The following SLC7A14 variants were observed in gnomAD, a reference collection of about 807,000 sequenced individuals.
SLC7A14 encodes the protein gamma-aminobutyric acid transporter SLC7A14.
Under a neutral mutation model 60.2 loss-of-function variants are expected in SLC7A14, and 37 were observed. The ratio of observed to expected loss-of-function variants is 0.61; its 90% CI spans 0.47 to 0.81. SLC7A14 has a LOEUF of 0.81. SLC7A14 is among the 30% of genes least tolerant of loss of function. The pLI, the probability that SLC7A14 is intolerant of heterozygous loss-of-function variation, is 0.00. For synonymous variants in SLC7A14, 399 were observed against 395.8 expected (o/e 1.01, Z -0.10); for missense variants, 886 against 982.7 (o/e 0.90, Z 1.32).
At chr3:170,563,688 T>A (rs1332652040) in intron 1 of SLC7A14, among the ~76,000 whole-genome samples, 1 of 152,212 alleles carries the variant, frequency 6.6e-6, no homozygotes, top group Non-Finnish European at 1.5e-5. Context: ...CCCAAACTGC[T>A]GGGATTACAG....
chr3:170,559,648 A>G (rs1035894973), intron 1 of SLC7A14, among the ~76,000 whole-genome samples: 2 of 152,228 alleles, frequency 1.3e-5, no homozygotes, highest in African/African-American at 4.8e-5. Flanking sequence ...TTTTTCTTTT[A>G]AAATTACTAA....
At chr3:170,569,106 C>T (rs1421106908) in intron 1 of SLC7A14, among the ~76,000 whole-genome samples, 8 of 152,074 alleles carry the variant, frequency 5.3e-5, no homozygotes, top group Admixed American at 1.3e-4. Context: ...AAAGGGAATG[C>T]TTCCAGTTTT....
At chr3:170,508,297 T>C (rs2108284273) in intron 2 of SLC7A14, among the ~76,000 whole-genome samples, 1 of 152,312 alleles carries the variant, frequency 6.6e-6, no homozygotes, top group South Asian at 2.1e-4. Context: ...GAGGCAGGTG[T>C]CCAAGAAAAC....
At chr3:170,495,958 A>T in intron 4 of SLC7A14, 1 of 1,340,410 alleles carries the variant, frequency 7.5e-7, no homozygotes, top group Non-Finnish European at 1.1e-6. Context: ...GAGGACTTCA[A>T]GAACAAGTAT....
rs1739609065 is a variant in SLC7A14 at position 170,461,811 on chromosome 3, G to A, written c.*5244C>T. The A allele has an allele frequency of 6.6e-6, 1 of 152,274 alleles. No homozygotes were observed. The highest frequency in any genetic ancestry group is 2.4e-5 in the African/African-American group (1 of 41,440). 9.4% of individuals were successfully genotyped at this position (152,274 alleles called of 1,614,324 possible). Reference sequence around the variant, plus strand: ...AGTTTCAGGGAGCTACACAGGTACAGGGGAAGCAGAGGCTCCATGAAGACT... The same window carrying A: ...AGTTTCAGGGAGCTACACAGGTACAAGGGAAGCAGAGGCTCCATGAAGACT... On this transcript the variant is annotated 3_prime_UTR_variant, in exon 8 of 8. Coordinates refer to ENST00000231706, the MANE Select transcript of SLC7A14 (RefSeq NM_020949.3).
At chr3:170,497,622 C>A (rs1269219602) in intron 4 of SLC7A14, among the ~76,000 whole-genome samples, 9 of 152,186 alleles carry the variant, frequency 5.9e-5, no homozygotes, top group Non-Finnish European at 1.3e-4. Flanking sequence ...GTTAAATGAA[C>A]GGATAGGACC....
chr3:170,480,310 A>G lies in SLC7A14; in HGVS notation c.1972T>C (p.Phe658Leu). ...LKLSTITWIR[F>L]AVWCFVGLLI... ...TTACCCACAAAGCACCAGACCGCAA[A>G]CCGGATCCATGTGATGGTGGAGAGC... Residue 658 changes from phenylalanine (F) to leucine (L), a missense_variant, in exon 7 of 8, where the codon TTT becomes CTT. Phe to Leu is a conservative substitution (Grantham distance 22). Transcript: ENST00000231706. 1.3e-6 allele frequency: 2 copies of G among 1,540,686 alleles called. No homozygotes were observed. Among genetic ancestry groups the G allele is most frequent in the Non-Finnish European group, 1.7e-6 (2 of 1,143,978 alleles).
intron 5 of SLC7A14, among the ~76,000 whole-genome samples, chr3:170,484,943 T>C (rs1711974427): frequency 6.6e-6 from 1 of 152,144 alleles, no homozygotes; most frequent in Non-Finnish European, 1.5e-5. Flanking sequence ...ATCATAGAAG[T>C]ACTCTGTGGT....
chr3:170,537,180 T>G (rs1713874165), intron 1 of SLC7A14, among the ~76,000 whole-genome samples: 1 of 152,238 alleles, frequency 6.6e-6, no homozygotes, highest in African/African-American at 2.4e-5. Context: ...TCTGCAGGGC[T>G]GTGTACCTTC....
intron 1 of SLC7A14, among the ~76,000 whole-genome samples, chr3:170,573,259 T>G (rs1715000399): frequency 6.6e-6 from 1 of 152,220 alleles, no homozygotes; most frequent in African/African-American, 2.4e-5. Context: ...GGTTTATTTA[T>G]TATTGATGGT....
At chr3:170,491,814 C>A (rs1424380439) in intron 4 of SLC7A14, among the ~76,000 whole-genome samples, 1 of 152,006 alleles carries the variant, frequency 6.6e-6, no homozygotes, top group Non-Finnish European at 1.5e-5. Context: ...AGGAAGCAAC[C>A]TGGAGCAGAG....
chr3:170,525,086 A>T (rs1453033220), intron 2 of SLC7A14, among the ~76,000 whole-genome samples: 2 of 152,242 alleles, frequency 1.3e-5, no homozygotes, highest in Admixed American at 6.5e-5. Flanking sequence ...TCCCAATATA[A>T]GTTAGAATTC....
rs1009208492 is a variant in SLC7A14, at chr3:170,535,981, C to T, written c.-152-8893G>A. ...CTGACTGATACATGGGTATATTAGA[C>T]GGCTGAGATAGATTCAGGAAATCAA... On this transcript the variant is annotated intron_variant, in intron 1 of 7. Transcript: ENST00000231706. The surrounding 1 kb of genome is among the most constrained non-coding windows in gnomAD (Gnocchi z 4.3). Among the ~76,000 whole-genome samples the T allele has an allele frequency of 1.7e-4, 26 of 152,228 alleles. No individual in the cohort carries two copies. The East Asian group carries it at 3.7e-3, about 21-fold the overall frequency.
intron 4 of SLC7A14, among the ~76,000 whole-genome samples, chr3:170,488,355 A>G (rs1462151307): frequency 6.6e-6 from 1 of 152,224 alleles, no homozygotes; most frequent in Non-Finnish European, 1.5e-5. Flanking sequence ...TTTTTCATAC[A>G]GTGGTGTGGA....
chr3:170,510,549 C>T (rs560500503), intron 2 of SLC7A14, among the ~76,000 whole-genome samples: 1 of 152,124 alleles, frequency 6.6e-6, no homozygotes, highest in Non-Finnish European at 1.5e-5. Context: ...TCTGGTCATG[C>T]TATTGTTAAT....
intron 7 of SLC7A14, among the ~76,000 whole-genome samples, chr3:170,471,332 AAC>A (rs1284380487): frequency 2.6e-5 from 4 of 152,180 alleles, no homozygotes; most frequent in African/African-American, 7.2e-5. Flanking sequence ...TATTTGGAAG[AAC>A]ATATACAAAA....
chr3:170,529,153 C>G (rs1367978853), intron 1 of SLC7A14, among the ~76,000 whole-genome samples: 1 of 152,138 alleles, frequency 6.6e-6, no homozygotes, highest in Non-Finnish European at 1.5e-5. Context: ...ATATAAACAA[C>G]AAAGAACCAC....
chr3:170,477,309 G>T (rs977246769), intron 7 of SLC7A14, among the ~76,000 whole-genome samples: 1 of 152,196 alleles, frequency 6.6e-6, no homozygotes, highest in African/African-American at 2.4e-5. Flanking sequence ...GAAGGTGGTG[G>T]ACTACATCTG....
intron 4 of SLC7A14, among the ~76,000 whole-genome samples, chr3:170,489,686 C>T (rs1007334098): frequency 6.6e-6 from 1 of 152,148 alleles, no homozygotes; most frequent in Admixed American, 6.5e-5. Context: ...TTGGAAGCAA[C>T]TTAAGTGTCC....
Sources: gnomAD v4.1 joint callset for allele counts (sites outside exome capture counted in the v4.1 genomes callset) on GRCh38, gnomAD v4.1.1 for gene constraint, Gnocchi (gnomAD v3.1) non-coding constraint, MANE v1.5 for transcripts, NCBI Gene and HGNC (gene_info 2026-07-23, HGNC 2026-07-21) for gene names.